ABL2: variants seen among roughly 807,000 people sequenced by gnomAD.
ABL2 encodes the protein ABL proto-oncogene 2, non-receptor tyrosine kinase.
Under a neutral mutation model 107.7 loss-of-function variants are expected in ABL2, and 49 were observed. The ratio of observed to expected loss-of-function variants is 0.45; its 90% CI spans 0.36 to 0.58. ABL2 has a LOEUF of 0.58. Ranked by LOEUF, ABL2 falls within the 20% of genes least tolerant of loss-of-function variation. The pLI is 0.00. For synonymous variants in ABL2, 549 were observed against 548.6 expected (o/e 1.00, Z -0.01); for missense variants, 1,245 against 1,457.0 (o/e 0.85, Z 2.37).
intron 1 of ABL2, chr1:179,143,217 A>T: frequency 1.2e-6 from 1 of 863,200 alleles, no homozygotes; most frequent in Non-Finnish European, 1.6e-6. Flanking sequence ...GTGGAGAGTG[A>T]CCTAAAGGAA....
chr1:179,229,633 C>CGCCGCT lies in ABL2; in HGVS notation c.-237_-236insAGCGGC. Reference sequence around the variant, plus strand: ...TCCTGTCGCGGCTCCGCGCCCCCAACGCCGCCGCCGCCGCCGCCGCCACCG... The same window carrying CGCCGCT: ...TCCTGTCGCGGCTCCGCGCCCCCAACGCCGCTGCCGCCGCCGCCGCCGCCGCCACCG... On this transcript the variant is annotated 5_prime_UTR_variant, in exon 1 of 12. Coordinates refer to ENST00000502732, the MANE Select transcript of ABL2 (RefSeq NM_007314.4). 1 of 286,908 alleles carries CGCCGCT rather than the reference C, an allele frequency of 3.5e-6. No homozygotes were observed. Among genetic ancestry groups the CGCCGCT allele is most frequent in the Non-Finnish European group, 6.1e-6 (1 of 163,634 alleles). 17.8% of individuals were successfully genotyped at this position (286,908 alleles called of 1,614,324 possible). A position where few individuals can be genotyped will look rare whatever the true frequency, so the allele number is the denominator to read the frequency against.
intron 4 of ABL2, among the ~76,000 whole-genome samples, chr1:179,123,823 G>T (rs969807818): frequency 2.6e-4 from 39 of 151,852 alleles, no homozygotes; most frequent in African/African-American, 9.4e-4. Context: ...TAGAGATGAG[G>T]TTTCACTATA....
chr1:179,146,747 G>A (rs1331279171), intron 1 of ABL2, among the ~76,000 whole-genome samples: 1 of 152,032 alleles, frequency 6.6e-6, no homozygotes, highest in Non-Finnish European at 1.5e-5. Flanking sequence ...ACTCCATCCT[G>A]CCACCCTGTG....
intron 3 of ABL2, among the ~76,000 whole-genome samples, chr1:179,128,426 T>C (rs2102652757): frequency 6.6e-6 from 1 of 152,252 alleles, no homozygotes; most frequent in Middle Eastern, 3.4e-3. Flanking sequence ...GAGCTAAAAA[T>C]AAAGAATATT....
At chr1:179,145,608 G>T (rs897620142) in intron 1 of ABL2, among the ~76,000 whole-genome samples, 4 of 152,174 alleles carry the variant, frequency 2.6e-5, no homozygotes, top group African/African-American at 9.6e-5. Flanking sequence ...ACAAACTAAG[G>T]CCAGAAGCAA....
In ABL2 at chr1:179,120,016, A is replaced by T. The variant is rs921438463; in HGVS notation, c.1045+174T>A. ...CGGGGCATGGTGGCTCATGCCTGTA[A>T]TCCCAACATATTGAAAGGCCCAGGC... On this transcript the variant is annotated intron_variant, in intron 6 of 11. Coordinates refer to ENST00000502732, the MANE Select transcript of ABL2 (RefSeq NM_007314.4). Among the ~76,000 whole-genome samples, 36 of 152,330 alleles carry T rather than the reference A, an allele frequency of 2.4e-4. 1 individual carries two copies. The highest frequency in any genetic ancestry group is 8.4e-4 in the African/African-American group (35 of 41,578).
At chr1:179,137,838 C>T (rs55825882) in intron 1 of ABL2, 13,049 of 152,212 alleles carry the variant, frequency 0.086, 624 homozygotes, top group African/African-American at 0.093. Flanking sequence ...ACATAAGGGG[C>T]GCCACGGGCA....
chr1:179,160,338 A>ACC (rs11462369), intron 1 of ABL2, among the ~76,000 whole-genome samples: 2 of 151,852 alleles, frequency 1.3e-5, no homozygotes, highest in South Asian at 4.2e-4. Context: ...ACATAGTGAG[A>ACC]CCCCATCTCT....
chr1:179,219,385 A>G (rs1403028323), intron 1 of ABL2, among the ~76,000 whole-genome samples: 2 of 152,224 alleles, frequency 1.3e-5, no homozygotes, highest in Non-Finnish European at 2.9e-5. Flanking sequence ...CAGAGGTAAA[A>G]ATAACACAGA....
chr1:179,153,820 A>T (rs1455908151), intron 1 of ABL2, among the ~76,000 whole-genome samples: 3 of 152,230 alleles, frequency 2.0e-5, no homozygotes, highest in African/African-American at 7.2e-5. Context: ...TGATTAACAG[A>T]TTGCCTGATT....
chr1:179,165,558 C>T (rs1327052149), intron 1 of ABL2, among the ~76,000 whole-genome samples: 2 of 152,050 alleles, frequency 1.3e-5, no homozygotes, highest in Admixed American at 1.3e-4. Flanking sequence ...TCTTAGATGG[C>T]CTTGAATGTC....
intron 1 of ABL2, among the ~76,000 whole-genome samples, chr1:179,196,903 GA>G (rs1210660826): frequency 5.9e-5 from 9 of 151,866 alleles, no homozygotes; most frequent in Non-Finnish European, 1.3e-4. Flanking sequence ...GAATCAAACA[GA>G]ACCTGCAGAA....
intron 1 of ABL2, chr1:179,201,875 C>T: frequency 7.4e-7 from 1 of 1,346,336 alleles, no homozygotes; most frequent in Non-Finnish European, 9.6e-7. Context: ...TCAAGACCCT[C>T]TACAACACCT....
At chr1:179,222,067 C>A in intron 1 of ABL2, 1 of 193,206 alleles carries the variant, frequency 5.2e-6, no homozygotes. Context: ...CACGGCTTTT[C>A]TTCCAAGGAG....
At chr1:179,192,219 G>C (rs1661067154) in intron 1 of ABL2, among the ~76,000 whole-genome samples, 1 of 152,094 alleles carries the variant, frequency 6.6e-6, no homozygotes. Flanking sequence ...GGTAGATATG[G>C]CTGGCATCTT....
chr1:179,169,166 A>C (rs1659570010), intron 1 of ABL2, among the ~76,000 whole-genome samples: 1 of 152,188 alleles, frequency 6.6e-6, no homozygotes, highest in South Asian at 2.1e-4. Flanking sequence ...AGTGTAACAC[A>C]AACAGGAGTA....
intron 1 of ABL2, among the ~76,000 whole-genome samples, chr1:179,186,399 AG>A (rs1660687044): frequency 6.6e-6 from 1 of 151,902 alleles, no homozygotes; most frequent in Admixed American, 6.6e-5. Context: ...TTGTTTTGAG[AG>A]GGAGTTTCGC....
At chr1:179,173,100 G>C (rs779659785) in intron 1 of ABL2, among the ~76,000 whole-genome samples, 29 of 151,238 alleles carry the variant, frequency 1.9e-4, no homozygotes, top group Non-Finnish European at 3.1e-4. Context: ...TTAGGCAGGA[G>C]AATCGCTGGA....
intron 1 of ABL2, among the ~76,000 whole-genome samples, chr1:179,173,289 T>C (rs1191113247): frequency 6.6e-6 from 1 of 151,656 alleles, no homozygotes; most frequent in Non-Finnish European, 1.5e-5. Context: ...ATTTTGAAAG[T>C]ATGTTTTAGG....
Sources: allele counts gnomAD v4.1 joint callset (sites outside exome capture counted in the v4.1 genomes callset), GRCh38; gene constraint gnomAD v4.1.1; transcripts MANE v1.5; gene names NCBI Gene and HGNC (gene_info 2026-07-23, HGNC 2026-07-21).